Variants in TIMM10 observed in about 807,000 individuals in gnomAD.
The protein encoded by TIMM10 is translocase of inner mitochondrial membrane 10, also known as mitochondrial import inner membrane translocase subunit Tim10.
In TIMM10, 13 loss-of-function variants were observed where a neutral mutation model predicts 9.1. The observed-to-expected ratio is 1.42, with a 90% CI of 0.93 to 2.26. TIMM10 has a LOEUF of 2.26. Among genes scored for constraint, TIMM10 ranks in the 30% most tolerant of loss-of-function variants. TIMM10 has a pLI of 0.00. For synonymous variants in TIMM10, 40 were observed against 42.1 expected (o/e 0.95, Z 0.20); for missense variants, 82 against 113.6 (o/e 0.72, Z 1.26).
At position 57,530,157 on chromosome 11, in the gene TIMM10, C is replaced by A; in HGVS notation, c.33G>T (p.Ala11=). 3 of 1,614,146 alleles carry A rather than the reference C, an allele frequency of 1.9e-6. No homozygotes were observed. The highest frequency in any genetic ancestry group is 2.5e-6 in the Non-Finnish European group (3 of 1,180,012). The change falls in exon 2 of 3, where the codon GCG becomes GCT. Residue 11 remains alanine, a synonymous_variant. Transcript: ENST00000257245. ...CGGCCATCATCTCCACCTCCAGCTC[C>A]GCAGCCAGCTGTTGGGCCCTGAGAG... MDPLRAQQLA[A]ELEVEMMADM...
Position 57,530,020 on chromosome 11 carries a change from C to A in TIMM10, c.71+99G>T. The A allele has an allele frequency of 4.4e-6, 6 of 1,368,334 alleles. No individual in the cohort carries two copies. The South Asian group carries it at 7.2e-5, about 16-fold the overall frequency. 84.8% of individuals were successfully genotyped at this position (1,368,334 alleles called of 1,614,324 possible). A position where few individuals can be genotyped will look rare whatever the true frequency, so the allele number is the denominator to read the frequency against. ...GGAGGGTAAGCATGGGCCTCAGGCT[C>A]CCCTACATTCAGGAAGGAATTTGTC... is the stretch of plus-strand genomic sequence containing the variant. On this transcript the variant is annotated intron_variant, in intron 2 of 2. Coordinates refer to ENST00000257245, the MANE Select transcript of TIMM10 (RefSeq NM_012456.3).
At position 57,528,564 on chromosome 11, in the gene TIMM10, T is replaced by A; in HGVS notation, c.*153A>T. ...ACATTCCAGTGTGACAAATACTCCT[T>A]CACCAGGAGACAGCGCTACCACTCC... On this transcript the variant is annotated 3_prime_UTR_variant, in exon 3 of 3. Transcript: ENST00000257245. 1.6e-6 allele frequency: 1 copy of A among 620,010 alleles called. No homozygotes were observed. The allele number at this position is 620,010 out of a possible 1,614,324, so 38.4% of individuals were successfully genotyped here.
At chr11:57,528,999 T>C (rs1297568197) in intron 2 of TIMM10, 81 bp from the exon 3 acceptor site, 37 of 1,433,354 alleles carry the variant, frequency 2.6e-5, no homozygotes, top group Non-Finnish European at 3.5e-5. Context: ...CCCTGCTATA[T>C]TGATTTCACC....
At chr11:57,529,054 C>G (rs1167273049) in intron 2 of TIMM10, 136 bp from the exon 3 acceptor site, 1 of 884,854 alleles carries the variant, frequency 1.1e-6, no homozygotes, top group South Asian at 1.7e-5. Context: ...ACCTCAACCA[C>G]TGGAAGGTCC....
At chr11:57,530,320 C>A in intron 1 of TIMM10, 86 bp from the exon 2 acceptor site, 1 of 840,418 alleles carries the variant, frequency 1.2e-6, no homozygotes, top group Non-Finnish European at 1.9e-6. Context: ...ACTCACAGGG[C>A]GCCAGACCAC....
At chr11:57,530,084 T>G in intron 2 of TIMM10, 35 bp downstream of exon 2, 1 of 1,611,710 alleles carries the variant, frequency 6.2e-7, no homozygotes, top group Non-Finnish European at 8.5e-7. Context: ...CCAAGACTTA[T>G]TTTCCAAGAC....
intron 2 of TIMM10, 51 bp from the exon 3 acceptor site, chr11:57,528,969 A>G: frequency 6.3e-7 from 1 of 1,596,876 alleles, no homozygotes; most frequent in Non-Finnish European, 8.6e-7. Context: ...GTGACATCCC[A>G]GGAACCTTGA....
At position 57,530,059 on chromosome 11, in the gene TIMM10, C is replaced by T. The variant is rs1409788196; in HGVS notation, c.71+60G>A. 6.3e-6 allele frequency: 10 copies of T among 1,588,540 alleles called. No individual in the cohort carries two copies. The Admixed American group carries it at 1.5e-4, about 24-fold the overall frequency. On this transcript the variant is annotated intron_variant, in intron 2 of 2. Coordinates refer to ENST00000257245, the MANE Select transcript of TIMM10 (RefSeq NM_012456.3). The stretch of plus-strand genomic sequence containing the variant: ...AAGGAATTTGTCATAAGTCATTCAC[C>T]TTCGATAAGGGTGACCAAGACTTAT...
chr11:57,530,463 C>A (rs576220532), intron 1 of TIMM10, among the ~76,000 whole-genome samples, 195 bp downstream of exon 1: 19 of 152,300 alleles, frequency 1.2e-4, no homozygotes, highest in African/African-American at 3.6e-4. Flanking sequence ...GCCCCAGTTC[C>A]TGGAGGTCAC....
chr11:57,530,081 T>A (rs766847289), intron 2 of TIMM10, 38 bp downstream of exon 2: 21 of 1,610,694 alleles, frequency 1.3e-5, no homozygotes, highest in Admixed American at 1.7e-5. Context: ...TGACCAAGAC[T>A]TATTTTCCAA....
chr11:57,529,101 A>T (rs1481816848), intron 2 of TIMM10, among the ~76,000 whole-genome samples, 183 bp from the exon 3 acceptor site: 1 of 152,336 alleles, frequency 6.6e-6, no homozygotes, highest in Admixed American at 6.5e-5. Context: ...CATGTATATG[A>T]CTAACTAAGT....
Position 57,528,630 on chromosome 11 carries a change from G to A in TIMM10, c.*87C>T. 2 of 1,375,574 alleles carry A rather than the reference G, an allele frequency of 1.5e-6. No homozygotes were observed. The highest frequency in any genetic ancestry group is 2.0e-6 in the Non-Finnish European group (2 of 980,406). The allele number at this position is 1,375,574 out of a possible 1,614,324, so 85.2% of individuals were successfully genotyped here. A position where few individuals can be genotyped will look rare whatever the true frequency, so the allele number is the denominator to read the frequency against. On this transcript the variant is annotated 3_prime_UTR_variant, in exon 3 of 3. Transcript: ENST00000257245. ...CTCTACAGAGAGCCTAGGCCTGGCA[G>A]TCTTCACAGATGACACCCAACAGGG...
At chr11:57,528,945 G>A (rs773764561) in intron 2 of TIMM10, 27 bp from the exon 3 acceptor site, 1 of 1,610,972 alleles carries the variant, frequency 6.2e-7, no homozygotes, top group South Asian at 1.1e-5. Context: ...GCAAGGTCAT[G>A]TCAGCAGCAT....
intron 2 of TIMM10, 76 bp from the exon 3 acceptor site, chr11:57,528,994 C>G (rs1340686227): frequency 6.1e-6 from 9 of 1,478,758 alleles, no homozygotes; most frequent in Non-Finnish European, 8.4e-6. Context: ...TCCAGCCCTG[C>G]TATATTGATT....
chr11:57,529,223 A>G (rs1049321888), intron 2 of TIMM10, among the ~76,000 whole-genome samples: 1 of 152,214 alleles, frequency 6.6e-6, no homozygotes, highest in African/African-American at 2.4e-5. Flanking sequence ...TCCCCATTTT[A>G]CAGATGAGGA....
chr11:57,528,509 A>G lies in TIMM10; in HGVS notation c.*208T>C, dbSNP rs1249650142. 1 of 233,666 alleles carries G rather than the reference A, an allele frequency of 4.3e-6. No individual in the cohort carries two copies. The highest frequency in any genetic ancestry group is 8.4e-6 in the Non-Finnish European group (1 of 118,382). 14.5% of individuals were successfully genotyped at this position (233,666 alleles called of 1,614,324 possible). A position where few individuals can be genotyped will look rare whatever the true frequency, so the allele number is the denominator to read the frequency against. On this transcript the variant is annotated 3_prime_UTR_variant, in exon 3 of 3. Transcript: ENST00000257245. ...TATATATATATATATATATATATAT[A>G]TATATATACACATACATACACACAC...
Position 57,530,214 on chromosome 11 carries a change from T to C in TIMM10, c.-25A>G. 6.2e-7 allele frequency: 1 copy of C among 1,612,826 alleles called. No homozygotes were observed. Among genetic ancestry groups the C allele is most frequent in the Non-Finnish European group, 8.5e-7 (1 of 1,179,234 alleles). On this transcript the variant is annotated 5_prime_UTR_variant, in exon 2 of 3. Coordinates refer to ENST00000257245, the MANE Select transcript of TIMM10 (RefSeq NM_012456.3). ...TCTCAGCCTAGCACCGTGGAAGGGATCTCCTTCTGGCCTCCTAATCCTGGG... is the reference window on the plus strand; with the variant it reads ...TCTCAGCCTAGCACCGTGGAAGGGACCTCCTTCTGGCCTCCTAATCCTGGG...
chr11:57,529,167 CTGCATTCTGT>C (rs1213342160), intron 2 of TIMM10, among the ~76,000 whole-genome samples: 1 of 152,216 alleles, frequency 6.6e-6, no homozygotes, highest in African/African-American at 2.4e-5. Flanking sequence ...AGTGCTTTAC[CTGCATTCTGT>C]TATGCAATGC....
intron 2 of TIMM10, among the ~76,000 whole-genome samples, chr11:57,529,816 G>GTGCT (rs1344420570): frequency 1.3e-5 from 2 of 152,234 alleles, no homozygotes; most frequent in East Asian, 3.8e-4. Context: ...GGCTGGCTAT[G>GTGCT]TGCTATTTGT....
Sources: allele counts gnomAD v4.1 joint callset (sites outside exome capture counted in the v4.1 genomes callset), GRCh38; gene constraint gnomAD v4.1.1; transcripts MANE v1.5; gene names NCBI Gene and HGNC (gene_info 2026-07-23, HGNC 2026-07-21).